Variants in USF2 observed in about 807,000 individuals in gnomAD.
The protein encoded by USF2 is upstream stimulatory factor 2.
USF2 carries 16 observed loss-of-function variants against 46.9 expected under a neutral mutation model. The ratio of observed to expected loss-of-function variants is 0.34; its 90% confidence interval spans 0.23 to 0.52. The LOEUF (loss-of-function observed/expected upper bound fraction) is 0.52. Ranked by LOEUF, USF2 falls within the 20% of genes least tolerant of loss-of-function variation. The probability of loss-of-function intolerance (pLI) is 0.96; values close to 1 mark genes in which losing one functional copy is unlikely to be tolerated. For synonymous variants in USF2, 239 were observed against 194.1 expected (o/e 1.23, Z -1.92); for missense variants, 411 against 474.0 (o/e 0.87, Z 1.23).
At chr19:35,273,155 C>T (rs1909703492) in intron 7 of USF2, among the ~76,000 whole-genome samples, 1 of 152,174 alleles carries the variant, frequency 6.6e-6, no homozygotes, top group Admixed American at 6.5e-5. Flanking sequence ...ACTTCTCCAG[C>T]TCCGTCCTGT....
chr19:35,269,261 C>T, intron 1 of USF2, 98 bp downstream of exon 1: 1 of 956,806 alleles, frequency 1.0e-6, no homozygotes, highest in Non-Finnish European at 1.2e-6. Flanking sequence ...CGGCCGCGGG[C>T]CCGGCTCAAA....
At position 35,270,469 on chromosome 19, in the gene USF2, G is replaced by A. The variant is rs1394201893; in HGVS notation, c.452G>A (p.Ser151Asn). The change falls in exon 5 of 10, where the codon AGC (serine) becomes AAC (asparagine). Residue 151 changes from serine (S) to asparagine (N), a missense_variant. This residue lies in a region of USF2 where 318 missense variants were observed against 322.4 expected (regional missense o/e 0.99). Transcript: ENST00000222305. ...CAGGCTGTGATCCAAAATCCCTTCA[G>A]CAATGGTGGCAGTCCGGCGGCCGAG... ...FPLAVIQNPF[S>N]NGGSPAAEAV... 3 of 1,613,704 alleles carry A rather than the reference G, an allele frequency of 1.9e-6. No individual in the cohort carries two copies. Among genetic ancestry groups the A allele is most frequent in the Admixed American group, 1.7e-5 (1 of 60,008 alleles).
Position 35,270,022 on chromosome 19 carries a change from C to T in USF2, c.429+19C>T, listed in dbSNP as rs944401264. The T allele has an allele frequency of 1.5e-6, 2 of 1,342,732 alleles. No homozygotes were observed. The highest frequency in any genetic ancestry group is 9.5e-7 in the Non-Finnish European group (1 of 1,053,864). The allele number at this position is 1,342,732 out of a possible 1,614,324, so 83.2% of individuals were successfully genotyped here. On this transcript the variant is annotated intron_variant, in intron 4 of 9. Coordinates refer to ENST00000222305, the MANE Select transcript of USF2 (RefSeq NM_003367.4). ...CCCGCTGGTAGGTGCCCTGCCACCCCTGGGTGGGGGGGGGAGGGAGTGGAG... is the reference window on the plus strand; with the variant it reads ...CCCGCTGGTAGGTGCCCTGCCACCCTTGGGTGGGGGGGGGAGGGAGTGGAG...
chr19:35,269,242 G>T lies in USF2; in HGVS notation c.62+79G>T, dbSNP rs1451495762. 11 of 962,322 alleles carry T rather than the reference G, an allele frequency of 1.1e-5. No homozygotes were observed. The East Asian group carries it at 3.7e-4, about 32-fold the overall frequency. 59.6% of individuals were successfully genotyped at this position (962,322 alleles called of 1,614,324 possible). On this transcript the variant is annotated intron_variant, in intron 1 of 9. Coordinates refer to ENST00000222305, the MANE Select transcript of USF2 (RefSeq NM_003367.4). ...GCGGCCTGCAGGCCGGGGCCGCCAT[G>T]ATCCCGAGCGGCCGCGGGCCCGGCT...
At position 35,279,294 on chromosome 19, in the gene USF2, G is replaced by A. The variant is rs575660529; in HGVS notation, c.*38G>A. 189 of 1,467,940 alleles carry A rather than the reference G, an allele frequency of 1.3e-4. No homozygotes were observed. The highest frequency in any genetic ancestry group is 3.0e-4 in the East Asian group (12 of 39,978). 90.9% of individuals were successfully genotyped at this position (1,467,940 alleles called of 1,614,324 possible). A position where few individuals can be genotyped will look rare whatever the true frequency, so the allele number is the denominator to read the frequency against. On this transcript the variant is annotated 3_prime_UTR_variant, in exon 10 of 10. Coordinates refer to ENST00000222305, the MANE Select transcript of USF2 (RefSeq NM_003367.4). ...CCACGCAGCCGCCGCCGCCCACGCC[G>A]GCCTCTGCTGCCCCCTTCCCCAGCC...
At chr19:35,272,440 CG>C (rs2066170992) in intron 7 of USF2, among the ~76,000 whole-genome samples, 1 of 152,046 alleles carries the variant, frequency 6.6e-6, no homozygotes, top group Non-Finnish European at 1.5e-5. Flanking sequence ...AGGAGAGTCC[CG>C]GGCAGAGGGA....
At chr19:35,276,318 C>T (rs193156251) in intron 7 of USF2, among the ~76,000 whole-genome samples, 1 of 152,272 alleles carries the variant, frequency 6.6e-6, no homozygotes, top group Admixed American at 6.5e-5. Context: ...GTGATCCACC[C>T]TCCCAAAGTG....
At chr19:35,278,491 G>T in intron 7 of USF2, 1 of 580,000 alleles carries the variant, frequency 1.7e-6, no homozygotes, top group South Asian at 2.1e-5. Context: ...GTGTGGCACT[G>T]GAGGGCCCAC....
At chr19:35,269,308 CCGCCCCCGGCCCCCGGCCTCGGCGG>C (rs1327754339) in intron 1 of USF2, 113 bp from the exon 2 acceptor site, 70 of 887,970 alleles carry the variant, frequency 7.9e-5, no homozygotes, top group Admixed American at 1.3e-4. Flanking sequence ...CTGGCGCCTC[CCGCCCCCGGCCCCCGGCCTCGGCGG>C]CGCCCCCGGC....
At chr19:35,276,531 G>C (rs1306303434) in intron 7 of USF2, among the ~76,000 whole-genome samples, 1 of 152,158 alleles carries the variant, frequency 6.6e-6, no homozygotes, top group Non-Finnish European at 1.5e-5. Flanking sequence ...TCAAGGGCCT[G>C]GGACTCTGGA....
rs376510063 is a variant in USF2 at position 35,270,680 on chromosome 19, C to G, written c.581-38C>G. On this transcript the variant is annotated intron_variant, in intron 5 of 9. Coordinates refer to ENST00000222305, the MANE Select transcript of USF2 (RefSeq NM_003367.4). ...AAGCCCCCCCAGCCAGTTCTGACTT[C>G]ACCCTGCCTTGCCACTAACCCCCCA... 5 of 1,613,230 alleles carry G rather than the reference C, an allele frequency of 3.1e-6. No homozygotes were observed. In the East Asian group the frequency reaches 1.1e-4, roughly 36 times the overall value.
chr19:35,272,234 T>G (rs2066167608), intron 7 of USF2, among the ~76,000 whole-genome samples: 1 of 152,062 alleles, frequency 6.6e-6, no homozygotes, highest in Non-Finnish European at 1.5e-5. Flanking sequence ...CAGCTCTCTG[T>G]GCGCGTTCTG....
Position 35,279,714 on chromosome 19 carries a change from GGT to G in USF2, c.*471_*472del, listed in dbSNP as rs756100496. 9.0e-5 allele frequency: 16 copies of G among 177,626 alleles called. No homozygotes were observed. Among genetic ancestry groups the G allele is most frequent in the Non-Finnish European group, 1.1e-4 (9 of 85,450 alleles). 11.0% of individuals were successfully genotyped at this position (177,626 alleles called of 1,614,324 possible). On this transcript the variant is annotated 3_prime_UTR_variant, in exon 10 of 10. Coordinates refer to ENST00000222305, the MANE Select transcript of USF2 (RefSeq NM_003367.4). ...TTCTGGGTCCCTGCTCCCCTTTGGGGGTGTGTGTGTGTGTTTTAATTTTCTTT... is the reference window on the plus strand; with the variant it reads ...TTCTGGGTCCCTGCTCCCCTTTGGGGGTGTGTGTGTGTTTTAATTTTCTTT...
At chr19:35,271,276 C>A in intron 7 of USF2, 135 bp downstream of exon 7, 1 of 987,744 alleles carries the variant, frequency 1.0e-6, no homozygotes, top group Non-Finnish European at 1.5e-6. Flanking sequence ...TTGCTGGACG[C>A]TGTAAAGGTA....
chr19:35,275,227 G>T (rs966534728), intron 7 of USF2: 2 of 151,832 alleles, frequency 1.3e-5, no homozygotes, highest in Non-Finnish European at 2.9e-5. Flanking sequence ...TTGTATTTTT[G>T]GTAGAGACGG....
Position 35,269,656 on chromosome 19 carries a change from A to C in USF2, c.185A>C (p.His62Pro). 1.3e-6 allele frequency: 2 copies of C among 1,526,880 alleles called. No homozygotes were observed. Among genetic ancestry groups the C allele is most frequent in the Non-Finnish European group, 1.8e-6 (2 of 1,131,000 alleles). 94.6% of individuals were successfully genotyped at this position (1,526,880 alleles called of 1,614,324 possible). ...GTCCAGCAGGCGGCGTTCGGCGACC[A>C]CAACATCCAGTACCAGTTCCGCACA... ...TSVQQAAFGD[H>P]NIQYQFRTET... Residue 62 changes from histidine (H) to proline (P), a missense_variant, in exon 3 of 10, where the codon CAC becomes CCC. Physicochemically the swap from His to Pro is moderately conservative, Grantham distance 77. Transcript: ENST00000222305.
intron 7 of USF2, among the ~76,000 whole-genome samples, chr19:35,272,104 G>T (rs2066165076): frequency 6.6e-6 from 1 of 152,190 alleles, no homozygotes; most frequent in African/African-American, 2.4e-5. Flanking sequence ...CCAGGTAGTT[G>T]TGTTCTGAGC....
At chr19:35,270,030 G>T (rs1026779103) in intron 4 of USF2, 27 bp downstream of exon 4, 9 of 1,346,962 alleles carry the variant, frequency 6.7e-6, no homozygotes, top group Admixed American at 3.9e-5. Context: ...CCCTGGGTGG[G>T]GGGGGGAGGG....
intron 7 of USF2, chr19:35,275,045 C>G (rs966751344): frequency 1.3e-5 from 2 of 152,198 alleles, no homozygotes; most frequent in African/African-American, 4.8e-5. Context: ...TGCTTCTACT[C>G]ACTTGGTTTT....
Sources: allele counts gnomAD v4.1 joint callset (sites outside exome capture counted in the v4.1 genomes callset), GRCh38; gene constraint gnomAD v4.1.1; regional missense constraint gnomAD v4.1.1; transcripts MANE v1.5; gene names NCBI Gene and HGNC (gene_info 2026-07-23, HGNC 2026-07-21).